Variants in NCAM1 observed in about 807,000 individuals in gnomAD.
NCAM1 encodes neural cell adhesion molecule 1.
A neutral mutation model predicts 109.8 loss-of-function variants in NCAM1; 14 were observed. That is an observed-to-expected ratio of 0.13 (90% CI 0.08 to 0.20). The LOEUF (loss-of-function observed/expected upper bound fraction) is 0.20. Ranked by LOEUF, NCAM1 falls within the 10% of genes least tolerant of loss-of-function variation. The pLI is 1.00. For missense variants in NCAM1, 774 were observed against 1,109.9 expected, an observed-to-expected ratio of 0.70 and a Z score of 4.30; for synonymous variants, 418 against 442.9, an observed-to-expected ratio of 0.94 and a Z score of 0.70.
At chr11:113,137,858 C>T (rs1228088539) in intron 1 of NCAM1, among the ~76,000 whole-genome samples, 2 of 151,990 alleles carry the variant, frequency 1.3e-5, no homozygotes, top group Non-Finnish European at 2.9e-5. Flanking sequence ...CAGTCGTGTT[C>T]GGAAATCATT....
At chr11:113,192,722 G>T in intron 1 of NCAM1, among the ~76,000 whole-genome samples, 1 of 152,210 alleles carries the variant, frequency 6.6e-6, no homozygotes, top group Non-Finnish European at 1.5e-5. Context: ...CCTGGGTCAA[G>T]TGTCAGGACA....
intron 17 of NCAM1, among the ~76,000 whole-genome samples, chr11:113,269,247 A>G (rs537531745): frequency 3.9e-4 from 59 of 152,106 alleles, no homozygotes; most frequent in Non-Finnish European, 6.9e-4. Context: ...CTGTGAAACC[A>G]TCAATAGCCA....
chr11:113,067,770 A>G (rs1012945025), intron 1 of NCAM1, among the ~76,000 whole-genome samples: 3 of 152,196 alleles, frequency 2.0e-5, no homozygotes, highest in Non-Finnish European at 4.4e-5. Flanking sequence ...TTCCATTACA[A>G]AGGCTCCTGT....
At chr11:113,129,929 A>C (rs1565453714) in intron 1 of NCAM1, among the ~76,000 whole-genome samples, 1 of 152,200 alleles carries the variant, frequency 6.6e-6, no homozygotes, top group African/African-American at 2.4e-5. Context: ...CACTCATTTC[A>C]TGTAGGACAC....
chr11:113,196,919 T>C lies in NCAM1; in HGVS notation c.53-5460T>C, dbSNP rs186209672. 2.2e-3 allele frequency among the ~76,000 whole-genome samples: 340 copies of C among 152,332 alleles called. 1 individual carries two copies. Among genetic ancestry groups the C allele is most frequent in the African/African-American group, 7.7e-3 (319 of 41,570 alleles). On this transcript the variant is annotated intron_variant, in intron 1 of 19. Transcript: ENST00000316851. ...AAGAAATGCCTGAGACTGGGTAATT[T>C]ATAAAGGGAAGAGGTTTAATTGACT...
At position 113,207,872 on chromosome 11, in the gene NCAM1, G is replaced by T; in HGVS notation, c.786G>T (p.Lys262Asn). Residue 262 changes from lysine (K) to asparagine (N), a missense_variant, in exon 7 of 20, where the codon AAG (lysine) becomes AAT (asparagine). Lys to Asn is a moderately conservative substitution (Grantham distance 94, BLOSUM62 0). Transcript: ENST00000316851. ...EQIEQEEDDE[K>N]YIFSDDSSQL... ...TAGAGCAAGAGGAAGACGATGAGAA[G>T]TACATCTTCAGCGACGATAGTTCCC... 6.2e-7 allele frequency: 1 copy of T among 1,611,690 alleles called. No homozygotes were observed. The highest frequency in any genetic ancestry group is 2.2e-5 in the East Asian group (1 of 44,860).
In NCAM1 at chr11:113,207,146, C is replaced by T. The variant is rs894180935; in HGVS notation, c.629-115C>T. 4.0e-5 allele frequency: 29 copies of T among 716,320 alleles called. No homozygotes were observed. In the Admixed American group the frequency reaches 4.3e-4, roughly 11 times the overall value. The allele number at this position is 716,320 out of a possible 1,614,324, so 44.4% of individuals were successfully genotyped here. A position where few individuals can be genotyped will look rare whatever the true frequency, so the allele number is the denominator to read the frequency against. On this transcript the variant is annotated intron_variant, in intron 5 of 19. Coordinates refer to ENST00000316851, the MANE Select transcript of NCAM1 (RefSeq NM_181351.5). ...TCCTGACACTAACTCTGTAGCTGCA[C>T]ACGACGTTTGTCCCACAGGCTGAGA...
intron 1 of NCAM1, among the ~76,000 whole-genome samples, chr11:112,972,191 G>A (rs1669210922): frequency 6.6e-6 from 1 of 152,166 alleles, no homozygotes; most frequent in Non-Finnish European, 1.5e-5. Flanking sequence ...AGGAAGGGTT[G>A]ATGAGGTAAG....
At chr11:113,148,283 C>T (rs901551512) in intron 1 of NCAM1, among the ~76,000 whole-genome samples, 2 of 151,974 alleles carry the variant, frequency 1.3e-5, no homozygotes, top group African/African-American at 4.8e-5. Context: ...GATAACAGGC[C>T]GCTGCCCTAC....
At chr11:113,149,744 A>G (rs1555102075) in intron 1 of NCAM1, among the ~76,000 whole-genome samples, 2 of 152,220 alleles carry the variant, frequency 1.3e-5, no homozygotes, top group Admixed American at 1.3e-4. Flanking sequence ...TTGCAGATGG[A>G]TTAGCCAAAC....
At chr11:113,134,746 C>T (rs1327895887) in intron 1 of NCAM1, among the ~76,000 whole-genome samples, 1 of 152,124 alleles carries the variant, frequency 6.6e-6, no homozygotes, top group Non-Finnish European at 1.5e-5. Context: ...GAATGATTGT[C>T]CTTTGTGGCA....
At chr11:113,056,974 A>C (rs1953735716) in intron 1 of NCAM1, among the ~76,000 whole-genome samples, 1 of 152,204 alleles carries the variant, frequency 6.6e-6, no homozygotes, top group Non-Finnish European at 1.5e-5. Context: ...TTGAGCATCC[A>C]CTACAATGCC....
chr11:113,213,116 C>T (rs1369263612), intron 7 of NCAM1, among the ~76,000 whole-genome samples: 1 of 152,208 alleles, frequency 6.6e-6, no homozygotes, highest in Non-Finnish European at 1.5e-5. Flanking sequence ...TCAAAGACCT[C>T]AACATGGAGA....
In NCAM1 at chr11:113,149,061, C is replaced by T. The variant is rs565512473; in HGVS notation, c.53-53318C>T. On this transcript the variant is annotated intron_variant, in intron 1 of 19. Coordinates refer to ENST00000316851, the MANE Select transcript of NCAM1 (RefSeq NM_181351.5). ...GTCTTCCAAGACCAGACCAACTAGTCGGGGACTTCCAAAGGGAACAAATTG... is the reference window on the plus strand; with the variant it reads ...GTCTTCCAAGACCAGACCAACTAGTTGGGGACTTCCAAAGGGAACAAATTG... Among the ~76,000 whole-genome samples, 20 of 152,282 alleles carry T rather than the reference C, an allele frequency of 1.3e-4. No individual in the cohort carries two copies. The South Asian group carries it at 3.9e-3, about 30-fold the overall frequency.
chr11:113,275,467 CACACACGCACGCACACACACAA>C lies in NCAM1; in HGVS notation c.*87_*108del. On this transcript the variant is annotated 3_prime_UTR_variant, in exon 20 of 20. Coordinates refer to ENST00000316851, the MANE Select transcript of NCAM1 (RefSeq NM_181351.5). ...CAGAGCATTTCCAACACCACAGACACACACACGCACGCACACACACAAACACACATGCACACACACACATCTC... is the reference window on the plus strand; with the variant it reads ...CAGAGCATTTCCAACACCACAGACACACACACATGCACACACACACATCTC... 6.6e-7 allele frequency: 1 copy of C among 1,513,164 alleles called. No individual in the cohort carries two copies. Among genetic ancestry groups the C allele is most frequent in the South Asian group, 1.2e-5 (1 of 82,388 alleles). The allele number at this position is 1,513,164 out of a possible 1,614,324, so 93.7% of individuals were successfully genotyped here. A position where few individuals can be genotyped will look rare whatever the true frequency, so the allele number is the denominator to read the frequency against.
At chr11:113,019,768 T>C (rs1331757127) in intron 1 of NCAM1, among the ~76,000 whole-genome samples, 4 of 152,220 alleles carry the variant, frequency 2.6e-5, no homozygotes, top group African/African-American at 9.6e-5. Flanking sequence ...ATATGTCCAA[T>C]ATAGAACTCA....
chr11:113,193,575 C>G (rs889859399), intron 1 of NCAM1, among the ~76,000 whole-genome samples: 1 of 151,986 alleles, frequency 6.6e-6, no homozygotes, highest in South Asian at 2.1e-4. Context: ...ATCGCTTGAA[C>G]CTGGGAGGCA....
chr11:113,035,606 C>A lies in NCAM1; in HGVS notation c.52+73942C>A, dbSNP rs146441034. Among the ~76,000 whole-genome samples the A allele has an allele frequency of 7.5e-4, 114 of 152,240 alleles. 1 individual carries two copies. The East Asian group carries it at 0.011, about 15-fold the overall frequency. On this transcript the variant is annotated intron_variant, in intron 1 of 19. Transcript: ENST00000316851. ...CCTTGGTGTTCTAGGAAGAAAGCTT[C>A]ATTATTGGGTAATTCACATGTGTGA...
chr11:113,009,076 T>C (rs908169242), intron 1 of NCAM1, among the ~76,000 whole-genome samples: 1 of 152,186 alleles, frequency 6.6e-6, no homozygotes, highest in Non-Finnish European at 1.5e-5. Context: ...TTAGTTAGCC[T>C]GAGAAACTGA....
Sources: allele counts gnomAD v4.1 joint callset (sites outside exome capture counted in the v4.1 genomes callset), GRCh38; gene constraint gnomAD v4.1.1; transcripts MANE v1.5; gene names NCBI Gene and HGNC (gene_info 2026-07-23, HGNC 2026-07-21).